The following RNF135 variants were observed in gnomAD, a reference collection of about 807,000 sequenced individuals.
The protein encoded by RNF135 is ring finger protein 135.
RNF135 carries 46 observed loss-of-function variants against 41.9 expected under a neutral mutation model. The ratio of observed to expected loss-of-function variants is 1.10; its 90% confidence interval spans 0.87 to 1.40. The LOEUF is 1.40. Ranked by LOEUF, RNF135 falls within the 40% of genes most tolerant of loss-of-function variation. The pLI is 0.00. For synonymous variants in RNF135, 238 were observed against 223.8 expected (o/e 1.06, Z -0.57); for missense variants, 539 against 549.8 (o/e 0.98, Z 0.20).
At position 30,975,654 on chromosome 17, in the gene RNF135, T is replaced by C. The variant is rs1003057158; in HGVS notation, c.372+4209T>C. On this transcript the variant is annotated intron_variant, in intron 1 of 4. Transcript: ENST00000328381. ...AAACAAGAAACTCCACAACCGCCAATACCGGAGGGTGGAGTCACCACCAGT... is the reference window on the plus strand; with the variant it reads ...AAACAAGAAACTCCACAACCGCCAACACCGGAGGGTGGAGTCACCACCAGT... 1.3e-5 allele frequency: 16 copies of C among 1,258,318 alleles called. No individual in the cohort carries two copies. The Admixed American group carries it at 1.5e-4, about 12-fold the overall frequency. 77.9% of individuals were successfully genotyped at this position (1,258,318 alleles called of 1,614,324 possible).
intron 1 of RNF135, among the ~76,000 whole-genome samples, chr17:30,978,278 T>A: frequency 6.6e-6 from 1 of 152,236 alleles, no homozygotes; most frequent in East Asian, 1.9e-4. Context: ...TGTCTTTCTG[T>A]AGATTTGGGA....
chr17:30,971,518 C>T (rs1034452992), intron 1 of RNF135, 73 bp downstream of exon 1: 4 of 1,405,306 alleles, frequency 2.8e-6, no homozygotes, highest in South Asian at 3.1e-5. Context: ...CCATGTGGCT[C>T]GAACCCCTTT....
chr17:30,977,063 C>T (rs1452470182), intron 1 of RNF135, among the ~76,000 whole-genome samples: 1 of 151,980 alleles, frequency 6.6e-6, no homozygotes, highest in Non-Finnish European at 1.5e-5. Context: ...TTCTCTGGTG[C>T]TATGATTTAG....
At chr17:30,964,076 C>T in the RNF135 span, among the ~76,000 whole-genome samples, 1 of 152,040 alleles carries the variant, frequency 6.6e-6, no homozygotes, top group East Asian at 1.9e-4. Flanking sequence ...ACAAAAAGTG[C>T]TTTGTCCCTG....
chr17:30,967,160 G>C (rs1905584208), upstream of RNF135, among the ~76,000 whole-genome samples: 1 of 152,000 alleles, frequency 6.6e-6, no homozygotes, highest in Non-Finnish European at 1.5e-5. Context: ...TCGGCCTCTG[G>C]AGTAGCTGGG....
intron 1 of RNF135, among the ~76,000 whole-genome samples, chr17:30,983,353 A>ATATATATATATATATATATTTT (rs1420453160): frequency 1.1e-4 from 4 of 35,734 alleles, no homozygotes; most frequent in Admixed American, 4.8e-4. Flanking sequence ...ATATATATAT[A>ATATATATATATATATATATTTT]TTTTTTTTTT....
chr17:30,961,123 C>T, the RNF135 span, among the ~76,000 whole-genome samples: 1 of 152,202 alleles, frequency 6.6e-6, no homozygotes. Context: ...ATATGTCTTT[C>T]CTTATTGCTA....
At chr17:30,961,973 TCACATAAGACTCC>T in the RNF135 span, among the ~76,000 whole-genome samples, 1 of 152,088 alleles carries the variant, frequency 6.6e-6, no homozygotes, top group Admixed American at 6.6e-5. Flanking sequence ...TTATGAATAA[TCACATAAGACTCC>T]CATAAAGGGA....
In RNF135 at chr17:30,971,056, C is replaced by T. The variant is rs530406205; in HGVS notation, c.-18C>T. 32 of 1,531,784 alleles carry T rather than the reference C, an allele frequency of 2.1e-5. No homozygotes were observed. The African/African-American group carries it at 4.4e-4, about 21-fold the overall frequency. The allele number at this position is 1,531,784 out of a possible 1,614,324, so 94.9% of individuals were successfully genotyped here. On this transcript the variant is annotated 5_prime_UTR_variant, in exon 1 of 5. Transcript: ENST00000328381. ...CCCGGCTCAACCCCGACGTCCGCGC[C>T]CCGGCCGCCTGTTGGCCATGGCGGG...
chr17:30,984,577 G>C (rs1261850829), intron 1 of RNF135, 40 bp from the exon 2 acceptor site: 19 of 1,612,820 alleles, frequency 1.2e-5, no homozygotes, highest in Non-Finnish European at 1.4e-5. Context: ...CCTGGGTCCA[G>C]TTTTATAGAA....
intron 3 of RNF135, among the ~76,000 whole-genome samples, chr17:30,993,427 A>C (rs1908125915): frequency 6.6e-6 from 1 of 151,254 alleles, no homozygotes; most frequent in South Asian, 2.1e-4. Context: ...GCTGGTGTTG[A>C]TCTCCTAGCT....
Position 30,988,124 on chromosome 17 carries a change from A to G in RNF135, c.679+18A>G. On this transcript the variant is annotated intron_variant, in intron 3 of 4. Coordinates refer to ENST00000328381, the MANE Select transcript of RNF135 (RefSeq NM_032322.4). ...AATGCAGGGTGAGCTGATCTTATTTATTGGAGGAGGATTAAATATGGAAGT... is the reference window on the plus strand; with the variant it reads ...AATGCAGGGTGAGCTGATCTTATTTGTTGGAGGAGGATTAAATATGGAAGT... 6.2e-7 allele frequency: 1 copy of G among 1,612,710 alleles called. No individual in the cohort carries two copies. The highest frequency in any genetic ancestry group is 8.5e-7 in the Non-Finnish European group (1 of 1,178,892).
intron 1 of RNF135, among the ~76,000 whole-genome samples, chr17:30,979,823 T>C (rs1228951808): frequency 1.1e-5 from 1 of 88,122 alleles, no homozygotes; most frequent in Non-Finnish European, 2.3e-5. Flanking sequence ...CCCCCCCACC[T>C]CCCTCCCGGA....
Position 30,999,713 on chromosome 17 carries a change from G to A in RNF135, c.*522G>A, listed in dbSNP as rs1234848228. ...GCCCTGGACACCTAGGCATGGGTGA[G>A]CTACTCTGGTTGGTAATACTCTGTG... On this transcript the variant is annotated 3_prime_UTR_variant, in exon 5 of 5. Transcript: ENST00000328381. The A allele has an allele frequency of 5.9e-6, 1 of 170,278 alleles. No homozygotes were observed. The highest frequency in any genetic ancestry group is 1.3e-5 in the Non-Finnish European group (1 of 76,726). 10.5% of individuals were successfully genotyped at this position (170,278 alleles called of 1,614,324 possible).
chr17:30,970,873 CTG>C, upstream of RNF135: 2 of 736,108 alleles, frequency 2.7e-6, no homozygotes, highest in Non-Finnish European at 4.3e-6. Context: ...AAGGTCAGCT[CTG>C]TCTTTCCAGC....
At chr17:30,969,405 A>G (rs1245015636), upstream of RNF135, 1 of 152,256 alleles carries the variant, frequency 6.6e-6, no homozygotes. Context: ...CAGTAAGCTG[A>G]ATACATCCTA....
At chr17:30,966,410 TTTTA>T (rs1313504006), upstream of RNF135, among the ~76,000 whole-genome samples, 66 of 130,128 alleles carry the variant, frequency 5.1e-4, no homozygotes, top group Non-Finnish European at 6.9e-4. Flanking sequence ...TTTTATTTTA[TTTTA>T]TTTTTTTATT....
intron 3 of RNF135, among the ~76,000 whole-genome samples, chr17:30,989,274 T>C (rs1200201795): frequency 6.6e-6 from 1 of 151,896 alleles, no homozygotes; most frequent in African/African-American, 2.4e-5. Context: ...AGGCTGAGGC[T>C]AGAGGATCAC....
At chr17:30,984,797 A>G (rs757564120) in intron 2 of RNF135, 37 bp downstream of exon 2, 3 of 1,610,600 alleles carry the variant, frequency 1.9e-6, no homozygotes, top group African/African-American at 2.7e-5. Context: ...TGTGGAAGGG[A>G]ATAGGGCTAG....
Sources: allele counts gnomAD v4.1 joint callset (sites outside exome capture counted in the v4.1 genomes callset), GRCh38; gene constraint gnomAD v4.1.1; transcripts MANE v1.5; gene names NCBI Gene and HGNC (gene_info 2026-07-23, HGNC 2026-07-21).